The following DDR2 variants were observed in gnomAD, a reference collection of about 807,000 sequenced individuals.
The protein encoded by DDR2 is discoidin domain receptor tyrosine kinase 2.
A neutral mutation model predicts 94.9 loss-of-function variants in DDR2; 27 were observed. That is an observed-to-expected ratio of 0.28 (90% confidence interval 0.21 to 0.39). The LOEUF is 0.39. Ranked by LOEUF, DDR2 falls within the 10% of genes least tolerant of loss-of-function variation. DDR2 has a pLI of 1.00. For synonymous variants in DDR2, 382 were observed against 377.2 expected (o/e 1.01, Z -0.15); for missense variants, 783 against 1,076.0 (o/e 0.73, Z 3.81).
At chr1:162,749,329 C>G (rs1294434729) in intron 3 of DDR2, among the ~76,000 whole-genome samples, 1 of 152,122 alleles carries the variant, frequency 6.6e-6, no homozygotes, top group Non-Finnish European at 1.5e-5. Flanking sequence ...GAGTTATCAC[C>G]ACTGATCCCA....
chr1:162,773,342 C>A, intron 13 of DDR2, 127 bp from the exon 14 acceptor site: 1 of 1,268,072 alleles, frequency 7.9e-7, no homozygotes, highest in Non-Finnish European at 1.1e-6. Context: ...CACATATCTT[C>A]TTATTGGTCT....
At chr1:162,650,693 C>G (rs555712304) in intron 1 of DDR2, among the ~76,000 whole-genome samples, 4 of 152,056 alleles carry the variant, frequency 2.6e-5, no homozygotes, top group Non-Finnish European at 5.9e-5. Flanking sequence ...CCCTCCTGTG[C>G]TAGTCATTGG....
intron 2 of DDR2, among the ~76,000 whole-genome samples, chr1:162,689,435 T>A (rs1227931693): frequency 1.3e-5 from 2 of 152,146 alleles, no homozygotes; most frequent in Non-Finnish European, 2.9e-5. Context: ...AAATTAAGGT[T>A]TCAACCTAGG....
At chr1:162,689,842 TA>T (rs1158650637) in intron 2 of DDR2, among the ~76,000 whole-genome samples, 10 of 10,924 alleles carry the variant, frequency 9.2e-4, no homozygotes, top group African/African-American at 1.9e-3. Context: ...CATCTCTACT[TA>T]AAAAAAAAAA....
chr1:162,777,440 C>A lies in DDR2; in HGVS notation c.2283+1070C>A, dbSNP rs1295354794. Among the ~76,000 whole-genome samples, 26 of 151,018 alleles carry A rather than the reference C, an allele frequency of 1.7e-4. No homozygotes were observed. The Admixed American group carries it at 1.7e-3, about 10-fold the overall frequency. Reference sequence around the variant, plus strand: ...CTATAATTTGATATTTAAGTACTTTCCAATTTCCTGCTATTATGAATGATG... The same window carrying A: ...CTATAATTTGATATTTAAGTACTTTACAATTTCCTGCTATTATGAATGATG... On this transcript the variant is annotated intron_variant, in intron 16 of 17. Transcript: ENST00000367921.
chr1:162,765,965 T>A, intron 9 of DDR2, 36 bp from the exon 10 acceptor site: 1 of 1,611,206 alleles, frequency 6.2e-7, no homozygotes, highest in East Asian at 2.2e-5. Context: ...CTGTCTGTCT[T>A]CTCCCTGGCT....
intron 3 of DDR2, among the ~76,000 whole-genome samples, chr1:162,744,830 T>G (rs895299932): frequency 2.6e-5 from 4 of 152,250 alleles, no homozygotes; most frequent in Admixed American, 1.3e-4. Context: ...CAGATATCTC[T>G]TCAAGATGCT....
At chr1:162,743,855 A>T (rs571047072) in intron 3 of DDR2, among the ~76,000 whole-genome samples, 2 of 152,198 alleles carry the variant, frequency 1.3e-5, no homozygotes, top group African/African-American at 2.4e-5. Flanking sequence ...GTGTCCCTTT[A>T]TGATTCCTCT....
At position 162,783,078 on chromosome 1, in the gene DDR2, A is replaced by G. The variant is rs1352225463; in HGVS notation, c.*2832A>G. Reference sequence around the variant, plus strand: ...GAATGAAGCTAGGACTTATTTGGAAAAGGAGATAGAAAAAAAATGATCAGA... The same window carrying G: ...GAATGAAGCTAGGACTTATTTGGAAGAGGAGATAGAAAAAAAATGATCAGA... On this transcript the variant is annotated 3_prime_UTR_variant, in exon 18 of 18. Coordinates refer to ENST00000367921, the MANE Select transcript of DDR2 (RefSeq NM_006182.4). 1 of 152,218 alleles carries G rather than the reference A, an allele frequency of 6.6e-6. No individual in the cohort carries two copies. Among genetic ancestry groups the G allele is most frequent in the Non-Finnish European group, 1.5e-5 (1 of 68,028 alleles). The allele number at this position is 152,218 out of a possible 1,614,324, so 9.4% of individuals were successfully genotyped here.
intron 2 of DDR2, among the ~76,000 whole-genome samples, chr1:162,703,431 G>A (rs964538527): frequency 1.3e-5 from 2 of 152,152 alleles, no homozygotes; most frequent in African/African-American, 4.8e-5. Flanking sequence ...AGGAAGAGAG[G>A]ATAGATGGAA....
chr1:162,705,669 G>T (rs1660628450), intron 2 of DDR2, among the ~76,000 whole-genome samples: 3 of 152,144 alleles, frequency 2.0e-5, no homozygotes, highest in South Asian at 4.1e-4. Flanking sequence ...TGAAGAGGGA[G>T]CTGAGCCCAT....
At chr1:162,697,927 T>A (rs1180588510) in intron 2 of DDR2, among the ~76,000 whole-genome samples, 1 of 152,182 alleles carries the variant, frequency 6.6e-6, no homozygotes, top group African/African-American at 2.4e-5. Flanking sequence ...TTGTTAGGGT[T>A]GTTGGTGGAG....
chr1:162,631,766 A>G (rs1292201379), upstream of DDR2, among the ~76,000 whole-genome samples: 1 of 152,208 alleles, frequency 6.6e-6, no homozygotes, highest in Non-Finnish European at 1.5e-5. Flanking sequence ...AAAAAAGTTC[A>G]CAAAATAATT....
intron 2 of DDR2, among the ~76,000 whole-genome samples, chr1:162,668,065 G>A (rs1434736801): frequency 6.6e-6 from 1 of 152,160 alleles, no homozygotes; most frequent in Non-Finnish European, 1.5e-5. Flanking sequence ...GTAGTAGGGT[G>A]AGGCAGTGAA....
Position 162,772,246 on chromosome 1 carries a change from A to C in DDR2, c.1727A>C (p.Glu576Ala), listed in dbSNP as rs1367652616. 1 of 1,613,930 alleles carries C rather than the reference A, an allele frequency of 6.2e-7. No individual in the cohort carries two copies. The highest frequency in any genetic ancestry group is 1.3e-5 in the African/African-American group (1 of 74,908). The change falls in exon 13 of 18, where the codon GAG (glutamate) becomes GCG (alanine). Residue 576 changes from glutamate (E) to alanine (A), a missense_variant and splice_region_variant. Coordinates refer to ENST00000367921, the MANE Select transcript of DDR2 (RefSeq NM_006182.4). ...KEKLGEGQFG[E>A]VHLCEVEGME... Reference sequence around the variant, plus strand: ...AAGCTGGGAGAAGGACAGTTTGGGGAGGTGAGTTGATTCTTTGATTCCCTT... The same window carrying C: ...AAGCTGGGAGAAGGACAGTTTGGGGCGGTGAGTTGATTCTTTGATTCCCTT...
chr1:162,726,974 C>A (rs1661701832), intron 3 of DDR2, among the ~76,000 whole-genome samples: 1 of 149,798 alleles, frequency 6.7e-6, no homozygotes, highest in African/African-American at 2.5e-5. Flanking sequence ...ATGTAAGAAA[C>A]ATAGATTGAT....
chr1:162,748,829 T>C (rs1344590631), intron 3 of DDR2, among the ~76,000 whole-genome samples: 4 of 152,124 alleles, frequency 2.6e-5, no homozygotes, highest in East Asian at 1.9e-4. Flanking sequence ...TGCAATCAAA[T>C]TAGAACTCAG....
chr1:162,681,202 C>T (rs969533769), intron 2 of DDR2, among the ~76,000 whole-genome samples: 1 of 152,094 alleles, frequency 6.6e-6, no homozygotes, highest in South Asian at 2.1e-4. Context: ...CTGTACTCAG[C>T]CTTGACACAC....
chr1:162,729,683 G>T (rs1279635577), intron 3 of DDR2, among the ~76,000 whole-genome samples: 2 of 150,768 alleles, frequency 1.3e-5, no homozygotes, highest in Non-Finnish European at 3.0e-5. Flanking sequence ...GAGGGAGGGG[G>T]AAAAAGGAAG....
Sources: gnomAD v4.1 joint callset for allele counts (sites outside exome capture counted in the v4.1 genomes callset) on GRCh38, gnomAD v4.1.1 for gene constraint, MANE v1.5 for transcripts, NCBI Gene and HGNC (gene_info 2026-07-23, HGNC 2026-07-21) for gene names.